PON3: variants seen among roughly 807,000 people sequenced by gnomAD.
PON3 encodes the protein serum paraoxonase/lactonase 3.
Under a neutral mutation model 36.3 loss-of-function variants are expected in PON3, and 37 were observed. The observed-to-expected ratio is 1.02, with a 90% CI of 0.78 to 1.34. The LOEUF is 1.34. PON3 is among the 40% of genes most tolerant of loss of function. The pLI is 0.00. For missense variants in PON3, 415 were observed against 426.5 expected, an observed-to-expected ratio of 0.97 and a Z score of 0.24; for synonymous variants, 155 against 154.8, an observed-to-expected ratio of 1.00 and a Z score of -0.01.
chr7:95,362,831 C>T lies in PON3; in HGVS notation c.706G>A (p.Val236Ile), dbSNP rs1307436318. 6.2e-7 allele frequency: 1 copy of T among 1,605,160 alleles called. No individual in the cohort carries two copies. The highest frequency in any genetic ancestry group is 1.7e-5 in the Admixed American group (1 of 59,912). ...TVSADQKYVY[V>I]ADVAAKNIHI... ...ATGTTCTTAGCTGCTACATCAGCTA[C>T]ATAGACATACCTTTGAAGTAAATGA... Residue 236 changes from valine to isoleucine, a missense_variant, in exon 7 of 9, where the codon GTA becomes ATA. By Grantham distance (29) the Val-to-Ile change is conservative (BLOSUM62 3). Coordinates refer to ENST00000265627, the MANE Select transcript of PON3 (RefSeq NM_000940.3).
chr7:95,384,834 C>T (rs764492763), intron 3 of PON3, among the ~76,000 whole-genome samples: 30 of 152,108 alleles, frequency 2.0e-4, no homozygotes, highest in Non-Finnish European at 3.5e-4. Flanking sequence ...ACCATTTGAC[C>T]CAGCCATCCC....
At chr7:95,362,660 C>G in intron 7 of PON3, 100 bp downstream of exon 7, 1 of 1,381,916 alleles carries the variant, frequency 7.2e-7, no homozygotes, top group Non-Finnish European at 1.0e-6. Flanking sequence ...GCATTGCTCT[C>G]AAATAGCCAT....
At chr7:95,370,629 G>A (rs1271550421) in intron 4 of PON3, among the ~76,000 whole-genome samples, 2 of 152,148 alleles carry the variant, frequency 1.3e-5, no homozygotes, top group African/African-American at 4.8e-5. Context: ...TGTGGTTACT[G>A]TTAGTGAAGT....
At chr7:95,376,438 G>T (rs535655276) in intron 3 of PON3, among the ~76,000 whole-genome samples, 1 of 152,224 alleles carries the variant, frequency 6.6e-6, no homozygotes, top group African/African-American at 2.4e-5. Context: ...GAAACCAAAA[G>T]AACAAGGTCC....
At chr7:95,372,620 C>G (rs544899668) in intron 3 of PON3, among the ~76,000 whole-genome samples, 69 of 152,196 alleles carry the variant, frequency 4.5e-4, no homozygotes, top group African/African-American at 1.6e-3. Flanking sequence ...ACAGAAGAGA[C>G]TAGGCTGTTA....
chr7:95,396,246 G>A (rs765863669), intron 1 of PON3, 31 bp downstream of exon 1: 1 of 1,610,410 alleles, frequency 6.2e-7, no homozygotes, highest in Non-Finnish European at 8.5e-7. Flanking sequence ...GAGAAAGAGA[G>A]TCGAAGACGC....
chr7:95,368,456 G>C (rs1203350416), intron 4 of PON3, among the ~76,000 whole-genome samples: 1 of 152,182 alleles, frequency 6.6e-6, no homozygotes, highest in African/African-American at 2.4e-5. Context: ...AAGGCTCAGG[G>C]CGTGGCAAAC....
intron 3 of PON3, among the ~76,000 whole-genome samples, chr7:95,379,991 C>T (rs59124074): frequency 0.18 from 28,051 of 152,108 alleles, 3,568 homozygotes; most frequent in East Asian, 0.59. Flanking sequence ...GCCAGGTACC[C>T]CTCTGAGACG....
At chr7:95,379,880 G>C (rs1809007023) in intron 3 of PON3, among the ~76,000 whole-genome samples, 1 of 152,220 alleles carries the variant, frequency 6.6e-6, no homozygotes. Context: ...CGCAGCTTGA[G>C]ATCTGAGAAC....
chr7:95,383,812 C>T (rs539875402), intron 3 of PON3, among the ~76,000 whole-genome samples: 27 of 152,312 alleles, frequency 1.8e-4, no homozygotes, highest in African/African-American at 6.0e-4. Context: ...CCATCCCCAT[C>T]AAGCTATCAA....
At chr7:95,383,227 C>G (rs1442680117) in intron 3 of PON3, among the ~76,000 whole-genome samples, 3 of 152,148 alleles carry the variant, frequency 2.0e-5, no homozygotes, top group Non-Finnish European at 1.5e-5. Context: ...CTATCTATGA[C>G]AAACCCACAG....
chr7:95,386,258 G>A (rs1351252339), intron 3 of PON3, among the ~76,000 whole-genome samples: 1 of 152,040 alleles, frequency 6.6e-6, no homozygotes, highest in Admixed American at 6.5e-5. Context: ...GAAGAAATGA[G>A]AGACGAATCA....
At chr7:95,390,580 G>A (rs1219196203) in intron 2 of PON3, among the ~76,000 whole-genome samples, 2 of 152,134 alleles carry the variant, frequency 1.3e-5, no homozygotes, top group African/African-American at 2.4e-5. Flanking sequence ...GATAAAATCT[G>A]GAAAGTCATA....
At chr7:95,377,147 A>G (rs1013456285) in intron 3 of PON3, among the ~76,000 whole-genome samples, 2 of 152,204 alleles carry the variant, frequency 1.3e-5, no homozygotes, top group African/African-American at 2.4e-5. Context: ...GCTCACGGCT[A>G]GCACAGCAGT....
intron 3 of PON3, among the ~76,000 whole-genome samples, chr7:95,381,573 C>T (rs983983294): frequency 2.0e-5 from 3 of 152,092 alleles, no homozygotes; most frequent in African/African-American, 7.2e-5. Flanking sequence ...ATAAAATAGA[C>T]TTTAAACCAA....
intron 3 of PON3, among the ~76,000 whole-genome samples, chr7:95,387,647 G>A (rs1053103707): frequency 2.0e-5 from 3 of 152,106 alleles, no homozygotes; most frequent in Non-Finnish European, 2.9e-5. Flanking sequence ...AGTTCATAGG[G>A]AATCAAATAA....
chr7:95,377,990 C>A (rs750529489), intron 3 of PON3, among the ~76,000 whole-genome samples: 4 of 152,124 alleles, frequency 2.6e-5, no homozygotes, highest in Admixed American at 6.5e-5. Flanking sequence ...TAACCCATCA[C>A]AAGGAAGCTA....
intron 8 of PON3, among the ~76,000 whole-genome samples, chr7:95,360,894 G>C (rs945606273): frequency 1.3e-5 from 2 of 151,854 alleles, no homozygotes; most frequent in Non-Finnish European, 2.9e-5. Flanking sequence ...AGGTTTGTTA[G>C]ACAAAAATAC....
At chr7:95,364,182 T>C (rs1419973724) in intron 5 of PON3, 119 bp from the exon 6 acceptor site, 6 of 810,184 alleles carry the variant, frequency 7.4e-6, no homozygotes, top group Middle Eastern at 6.7e-4. Context: ...AAAGGATACA[T>C]GAACTAGTAT....
Sources: gnomAD v4.1 joint callset for allele counts (sites outside exome capture counted in the v4.1 genomes callset) on GRCh38, gnomAD v4.1.1 for gene constraint, MANE v1.5 for transcripts, NCBI Gene and HGNC (gene_info 2026-07-23, HGNC 2026-07-21) for gene names.